The following DSCAM variants were observed in gnomAD, a reference collection of about 807,000 sequenced individuals.
The protein encoded by DSCAM is DS cell adhesion molecule.
A neutral mutation model predicts 217.7 loss-of-function variants in DSCAM; 47 were observed. The ratio of observed to expected loss-of-function variants is 0.22; its 90% CI spans 0.17 to 0.28. The LOEUF is 0.28. DSCAM is among the 10% of genes least tolerant of loss of function. The probability of loss-of-function intolerance (pLI) is 1.00; values close to 1 mark genes in which losing one functional copy is unlikely to be tolerated. For synonymous variants in DSCAM, 1,056 were observed against 1,015.3 expected (o/e 1.04, Z -0.76); for missense variants, 2,080 against 2,618.3 (o/e 0.79, Z 4.49).
chr21:40,322,180 G>A (rs991816053), intron 8 of DSCAM, among the ~76,000 whole-genome samples: 1 of 152,000 alleles, frequency 6.6e-6, no homozygotes, highest in East Asian at 1.9e-4. Flanking sequence ...TGCTGTTTTG[G>A]ACCTTCTGCT....
chr21:40,585,858 G>A (rs2076942675), intron 3 of DSCAM, among the ~76,000 whole-genome samples: 1 of 152,092 alleles, frequency 6.6e-6, no homozygotes, highest in Admixed American at 6.5e-5. Context: ...TGCTCATTTT[G>A]TTTGTTTTTG....
At chr21:40,240,232 C>G (rs1231867312) in intron 11 of DSCAM, among the ~76,000 whole-genome samples, 2 of 152,052 alleles carry the variant, frequency 1.3e-5, no homozygotes, top group Non-Finnish European at 2.9e-5. Flanking sequence ...TGAAGGCTGG[C>G]CACATCTACC....
intron 26 of DSCAM, among the ~76,000 whole-genome samples, chr21:40,076,241 A>G (rs2089364300): frequency 6.6e-6 from 1 of 152,152 alleles, no homozygotes; most frequent in Non-Finnish European, 1.5e-5. Flanking sequence ...CCAAGTCTCC[A>G]AATGCTTAGA....
intron 1 of DSCAM, among the ~76,000 whole-genome samples, chr21:40,792,013 G>GTTAGAGA (rs1204274597): frequency 2.6e-5 from 4 of 151,960 alleles, no homozygotes; most frequent in African/African-American, 4.8e-5. Context: ...GAGGCTAGAA[G>GTTAGAGA]TTAGAGATCA....
intron 27 of DSCAM, among the ~76,000 whole-genome samples, chr21:40,067,320 T>C (rs1425542438): frequency 6.6e-6 from 1 of 152,222 alleles, no homozygotes; most frequent in Non-Finnish European, 1.5e-5. Context: ...ATCTGCATAA[T>C]CATTTTCTAA....
chr21:40,655,835 C>T (rs1018034175), intron 3 of DSCAM, among the ~76,000 whole-genome samples: 6 of 152,048 alleles, frequency 3.9e-5, no homozygotes, highest in Non-Finnish European at 8.8e-5. Flanking sequence ...GAGGGGATCG[C>T]TTGAGTCCAG....
intron 3 of DSCAM, among the ~76,000 whole-genome samples, chr21:40,624,285 G>A (rs2089567240): frequency 6.6e-6 from 1 of 152,084 alleles, no homozygotes; most frequent in Admixed American, 6.5e-5. Context: ...TTACCTTCTG[G>A]AAATATGACA....
intron 3 of DSCAM, among the ~76,000 whole-genome samples, chr21:40,484,895 G>A (rs1316211753): frequency 6.6e-6 from 1 of 152,204 alleles, no homozygotes; most frequent in Non-Finnish European, 1.5e-5. Flanking sequence ...TGCAGAGAAT[G>A]TTTTGGTGAC....
intron 1 of DSCAM, among the ~76,000 whole-genome samples, chr21:40,797,468 A>G (rs2091701991): frequency 6.6e-6 from 1 of 152,234 alleles, no homozygotes; most frequent in Non-Finnish European, 1.5e-5. Flanking sequence ...CATTTGAGAC[A>G]CATTCTCCCC....
At chr21:40,214,605 C>A (rs1013360251) in intron 11 of DSCAM, among the ~76,000 whole-genome samples, 20 of 151,786 alleles carry the variant, frequency 1.3e-4, no homozygotes, top group Non-Finnish European at 2.4e-4. Context: ...TTGGGAAACA[C>A]CACTGAACAT....
intron 3 of DSCAM, among the ~76,000 whole-genome samples, chr21:40,656,585 A>T (rs1255118130): frequency 1.3e-5 from 2 of 152,166 alleles, no homozygotes; most frequent in Non-Finnish European, 2.9e-5. Context: ...AAAGAGCAAG[A>T]TGGATCATTT....
Position 40,532,777 on chromosome 21 carries a change from A to G in DSCAM, c.508+160033T>C, listed in dbSNP as rs527804445. Among the ~76,000 whole-genome samples the G allele has an allele frequency of 7.9e-5, 12 of 152,130 alleles. 1 individual carries two copies. Among genetic ancestry groups the G allele is most frequent in the African/African-American group, 2.9e-4 (12 of 41,524 alleles). On this transcript the variant is annotated intron_variant, in intron 3 of 32. Transcript: ENST00000400454. ...AGAGAGAGCATGGGGTGACCTGGAG[A>G]AGAGAGAACTTGGGGTTAGAGAAAC...
intron 4 of DSCAM, among the ~76,000 whole-genome samples, chr21:40,356,464 A>G (rs1190160911): frequency 1.3e-5 from 2 of 151,834 alleles, no homozygotes; most frequent in Non-Finnish European, 2.9e-5. Flanking sequence ...ATTTTTCAAT[A>G]CCTCAATTAA....
chr21:40,187,216 T>G lies in DSCAM; in HGVS notation c.2694A>C (p.Ala898=). ...PPEIEIKDVK[A]RTITLRWTMG... is the part of the protein sequence containing the mutation. The stretch of plus-strand genomic sequence containing the variant: ...TGGTCCACCTGAGCGTAATTGTGCG[T>G]GCTTTGACATCTTTGATCTCAATTT... The change falls in exon 14 of 33, where the codon GCA becomes GCC. Residue 898 remains alanine, a synonymous_variant. Transcript: ENST00000400454. 6.2e-7 allele frequency: 1 copy of G among 1,614,138 alleles called. No individual in the cohort carries two copies. Among genetic ancestry groups the G allele is most frequent in the Non-Finnish European group, 8.5e-7 (1 of 1,179,986 alleles).
At chr21:40,762,626 T>C (rs2091346753) in intron 1 of DSCAM, among the ~76,000 whole-genome samples, 3 of 152,102 alleles carry the variant, frequency 2.0e-5, no homozygotes, top group Admixed American at 1.3e-4. Flanking sequence ...GCCAGCATCA[T>C]CCTGATTCCA....
chr21:40,700,191 T>G (rs565167537), intron 2 of DSCAM, among the ~76,000 whole-genome samples: 87 of 152,374 alleles, frequency 5.7e-4, no homozygotes, highest in African/African-American at 2.1e-3. Context: ...CATCTTCTTA[T>G]AGCATGTCAT....
Position 40,256,622 on chromosome 21 carries a change from C to G in DSCAM, c.2356+19475G>C, listed in dbSNP as rs866266310. On this transcript the variant is annotated intron_variant, in intron 11 of 32. Coordinates refer to ENST00000400454, the MANE Select transcript of DSCAM (RefSeq NM_001389.5). ...CAGCATCTCCTCTTTCTTCCAGGGA[C>G]TTCAGTCTGTTTTTCTAAGGACCTT... Among the ~76,000 whole-genome samples, 7 of 152,294 alleles carry G rather than the reference C, an allele frequency of 4.6e-5. No homozygotes were observed. In the South Asian group the frequency reaches 1.2e-3, roughly 27 times the overall value.
intron 3 of DSCAM, among the ~76,000 whole-genome samples, chr21:40,692,275 T>A (rs1461752719): frequency 6.6e-6 from 1 of 152,250 alleles, no homozygotes; most frequent in Non-Finnish European, 1.5e-5. Flanking sequence ...TTGTCTTTTC[T>A]ACACACCAAA....
At chr21:40,605,383 T>A (rs551379514) in intron 3 of DSCAM, among the ~76,000 whole-genome samples, 23 of 152,340 alleles carry the variant, frequency 1.5e-4, no homozygotes, top group Non-Finnish European at 2.4e-4. Flanking sequence ...GTTCAGCTTT[T>A]TTTCATGTTA....
Sources: gnomAD v4.1 joint callset for allele counts (sites outside exome capture counted in the v4.1 genomes callset) on GRCh38, gnomAD v4.1.1 for gene constraint, MANE v1.5 for transcripts, NCBI Gene and HGNC (gene_info 2026-07-23, HGNC 2026-07-21) for gene names.